Variants in GTF3C3 observed in about 807,000 individuals in gnomAD.
GTF3C3 encodes the protein general transcription factor IIIC subunit 3.
GTF3C3 carries 75 observed loss-of-function variants against 105.2 expected under a neutral mutation model. That is an observed-to-expected ratio of 0.71 (90% CI 0.59 to 0.86). The LOEUF (loss-of-function observed/expected upper bound fraction) is 0.86, where lower values mean the gene tolerates loss of function less well. GTF3C3 is among the 40% of genes least tolerant of loss of function. The pLI, the probability that GTF3C3 is intolerant of heterozygous loss-of-function variation, is 0.00. For synonymous variants in GTF3C3, 335 were observed against 370.4 expected, an observed-to-expected ratio of 0.90 and a Z score of 1.10; for missense variants, 856 against 1,076.5, an observed-to-expected ratio of 0.80 and a Z score of 2.87.
In GTF3C3 at chr2:196,798,012, T is replaced by C. The variant is rs1407276320; in HGVS notation, c.103-104A>G. 4 of 709,458 alleles carry C rather than the reference T, an allele frequency of 5.6e-6. No individual in the cohort carries two copies. In the Admixed American group the frequency reaches 6.6e-5, roughly 12 times the overall value. 43.9% of individuals were successfully genotyped at this position (709,458 alleles called of 1,614,324 possible). On this transcript the variant is annotated intron_variant, in intron 1 of 17. Coordinates refer to ENST00000263956, the MANE Select transcript of GTF3C3 (RefSeq NM_012086.5). ...GTCCTAGCTTTGCCACTCGGGCATT[T>C]TGTGACCATGGGTTGGCAGTTTATA... is the stretch of plus-strand genomic sequence containing the variant.
At position 196,785,496 on chromosome 2, in the gene GTF3C3, A is replaced by T. The variant is rs753917999; in HGVS notation, c.986T>A (p.Val329Asp). Reference protein sequence around the residue: ...KHQGLVSMEDVNIAAELYISN... With the variant: ...KHQGLVSMEDDNIAAELYISN... Reference sequence around the variant, plus strand: ...AATATATAGTTCAGCTGCTATGTTAACATCTTCCATGGAGACTAGGCCCTG... The same window carrying T: ...AATATATAGTTCAGCTGCTATGTTATCATCTTCCATGGAGACTAGGCCCTG... Residue 329 changes from valine (V) to aspartate (D), a missense_variant, in exon 7 of 18, where the codon GTT (valine) becomes GAT (aspartate). Val to Asp is a radical substitution (Grantham distance 152). Around this residue, in one of 3 missense-constraint regions of GTF3C3, gnomAD observed 605 missense variants for 833.6 expected, o/e 0.73. Coordinates refer to ENST00000263956, the MANE Select transcript of GTF3C3 (RefSeq NM_012086.5). 19 of 1,610,460 alleles carry T rather than the reference A, an allele frequency of 1.2e-5. No individual in the cohort carries two copies. The highest frequency in any genetic ancestry group is 1.6e-5 in the Non-Finnish European group (19 of 1,177,180).
rs1013673454 is a variant in GTF3C3, at chr2:196,786,445, A to C, written c.894-857T>G. Among the ~76,000 whole-genome samples the C allele has an allele frequency of 6.6e-6, 1 of 152,144 alleles. No homozygotes were observed. The highest frequency in any genetic ancestry group is 6.6e-5 in the Admixed American group (1 of 15,260). On this transcript the variant is annotated intron_variant, in intron 6 of 17. Coordinates refer to ENST00000263956, the MANE Select transcript of GTF3C3 (RefSeq NM_012086.5). The surrounding 1 kb of genome is among the most constrained non-coding windows in gnomAD (Gnocchi z 4.2). ...ACCAAGAAAAGAGAATTAAATCAGA[A>C]CATCCCACATATTTCCAGCACATCT... is the stretch of plus-strand genomic sequence containing the variant.
intron 16 of GTF3C3, 120 bp from the exon 17 acceptor site, chr2:196,766,837 T>C (rs551870027): frequency 2.9e-6 from 2 of 689,608 alleles, no homozygotes; most frequent in African/African-American, 1.8e-5. Context: ...ATCTGCTTAG[T>C]GTCCTATTAC....
Position 196,786,708 on chromosome 2 carries a change from C to T in GTF3C3, c.894-1120G>A, listed in dbSNP as rs1699457538. 6.7e-6 allele frequency among the ~76,000 whole-genome samples: 1 copy of T among 149,208 alleles called. No homozygotes were observed. The highest frequency in any genetic ancestry group is 6.6e-5 in the Admixed American group (1 of 15,044). ...CCCAACTTAAAAAATTCTCCCACCC[C>T]TACAACCCATTCCTCTGCTCCCCTT... On this transcript the variant is annotated intron_variant, in intron 6 of 17. Coordinates refer to ENST00000263956, the MANE Select transcript of GTF3C3 (RefSeq NM_012086.5). The surrounding 1 kb of genome is among the most constrained non-coding windows in gnomAD (Gnocchi z 4.2).
chr2:196,774,993 G>T, intron 13 of GTF3C3, 123 bp downstream of exon 13: 2 of 641,238 alleles, frequency 3.1e-6, no homozygotes, highest in South Asian at 5.8e-5. Context: ...GAGAGATTTA[G>T]ATTGGAAAAT....
intron 2 of GTF3C3, among the ~76,000 whole-genome samples, chr2:196,795,589 G>A (rs775868448): frequency 6.6e-6 from 1 of 152,206 alleles, no homozygotes; most frequent in South Asian, 2.1e-4. Flanking sequence ...CTGATAGAAC[G>A]AAGCATTTGA....
At chr2:196,795,544 A>T (rs1480416540) in intron 2 of GTF3C3, among the ~76,000 whole-genome samples, 1 of 122,306 alleles carries the variant, frequency 8.2e-6, no homozygotes, top group Non-Finnish European at 1.7e-5. Flanking sequence ...ACAAAAGAAC[A>T]AAGGAACAAA....
At chr2:196,788,237 T>C (rs1421473234) in intron 6 of GTF3C3, among the ~76,000 whole-genome samples, 1 of 152,246 alleles carries the variant, frequency 6.6e-6, no homozygotes, top group Non-Finnish European at 1.5e-5. Flanking sequence ...GTTTCACAGC[T>C]AAGCATCATT....
chr2:196,773,973 A>T (rs372220287), intron 13 of GTF3C3, among the ~76,000 whole-genome samples: 87 of 152,358 alleles, frequency 5.7e-4, no homozygotes, highest in African/African-American at 1.9e-3. Context: ...TGGGGACCCC[A>T]GTGATAGAGG....
At chr2:196,792,841 G>T in intron 3 of GTF3C3, 115 bp downstream of exon 3, 1 of 685,656 alleles carries the variant, frequency 1.5e-6, no homozygotes, top group Non-Finnish European at 2.6e-6. Flanking sequence ...CAATAGTTGT[G>T]TCATAGTATT....
intron 3 of GTF3C3, 148 bp downstream of exon 3, chr2:196,792,808 T>C (rs1474953196): frequency 9.3e-6 from 6 of 646,372 alleles, no homozygotes; most frequent in Non-Finnish European, 1.6e-5. Context: ...CATTATCTAA[T>C]AGGAAACATA....
intron 16 of GTF3C3, among the ~76,000 whole-genome samples, chr2:196,768,051 T>C (rs563332481): frequency 6.6e-5 from 10 of 152,356 alleles, no homozygotes; most frequent in Admixed American, 3.3e-4. Context: ...AAATGGAGTC[T>C]TGCTCTATCA....
intron 16 of GTF3C3, 175 bp from the exon 17 acceptor site, chr2:196,766,892 C>G: frequency 4.9e-6 from 2 of 408,686 alleles, no homozygotes; most frequent in Non-Finnish European, 8.6e-6. Flanking sequence ...TATAGCTCTT[C>G]TGAAGATGTA....
In GTF3C3 at chr2:196,776,086, G is replaced by C. The variant is rs1699255111; in HGVS notation, c.1619C>G (p.Ser540Cys). The C allele has an allele frequency of 6.3e-7, 1 of 1,585,202 alleles. No individual in the cohort carries two copies. The highest frequency in any genetic ancestry group is 8.6e-7 in the Non-Finnish European group (1 of 1,161,006). Reference protein sequence around the residue: ...QQELKLLLHRSTLLFSQGKMY... With the variant: ...QQELKLLLHRCTLLFSQGKMY... ...TTTGCCTTGTGAAAACAACAGAGTA[G>C]AACGATGAAGCAATAACTTCAGTTC... Residue 540 changes from serine to cysteine, a missense_variant, in exon 12 of 18, where the codon TCT becomes TGT. By Grantham distance (112) the Ser-to-Cys change is moderately radical. Transcript: ENST00000263956. This position sits in a 1 kb window ranked among gnomAD's most constrained non-coding sequence, Gnocchi z 4.5.
At chr2:196,781,287 C>A (rs1699345184) in intron 8 of GTF3C3, among the ~76,000 whole-genome samples, 2 of 139,184 alleles carry the variant, frequency 1.4e-5, no homozygotes, top group Admixed American at 1.5e-4. Context: ...GTCTTCCATA[C>A]CTTCAGGTTC....
At chr2:196,771,027 CACCTTTTAG>C (rs1235966696) in intron 15 of GTF3C3, among the ~76,000 whole-genome samples, 1 of 152,100 alleles carries the variant, frequency 6.6e-6, no homozygotes, top group African/African-American at 2.4e-5. Flanking sequence ...CTGGCAACAC[CACCTTTTAG>C]GTAGTAAGAC....
chr2:196,777,114 A>T (rs1029893295), intron 10 of GTF3C3, among the ~76,000 whole-genome samples: 1 of 152,212 alleles, frequency 6.6e-6, no homozygotes, highest in Non-Finnish European at 1.5e-5. Flanking sequence ...TCTTAAAATT[A>T]GGATTTTAAT....
intron 10 of GTF3C3, among the ~76,000 whole-genome samples, chr2:196,777,114 A>G (rs1029893295): frequency 2.0e-5 from 3 of 152,212 alleles, no homozygotes; most frequent in African/African-American, 4.8e-5. Flanking sequence ...TCTTAAAATT[A>G]GGATTTTAAT....
At chr2:196,775,510 C>G (rs1005738856) in intron 12 of GTF3C3, among the ~76,000 whole-genome samples, 58 of 152,136 alleles carry the variant, frequency 3.8e-4, no homozygotes, top group African/African-American at 1.4e-3. Context: ...AACCAAATTA[C>G]TATATTAAAA....
Sources: allele counts gnomAD v4.1 joint callset (sites outside exome capture counted in the v4.1 genomes callset), GRCh38; gene constraint gnomAD v4.1.1; regional missense constraint gnomAD v4.1.1; non-coding constraint Gnocchi (gnomAD v3.1); transcripts MANE v1.5; gene names NCBI Gene and HGNC (gene_info 2026-07-23, HGNC 2026-07-21).